NXN: variants seen among roughly 807,000 people sequenced by gnomAD.
The protein encoded by NXN is nucleoredoxin 1.
Under a neutral mutation model 48.6 loss-of-function variants are expected in NXN, and 16 were observed. That is an observed-to-expected ratio of 0.33 (90% confidence interval 0.22 to 0.50). The LOEUF (loss-of-function observed/expected upper bound fraction) is 0.50. Ranked by LOEUF, NXN falls within the 20% of genes least tolerant of loss-of-function variation. NXN has a pLI of 0.98. For missense variants in NXN, 492 were observed against 605.5 expected, an observed-to-expected ratio of 0.81 and a Z score of 1.97; for synonymous variants, 281 against 269.6, an observed-to-expected ratio of 1.04 and a Z score of -0.41.
rs372803718 is a variant in NXN at position 889,751 on chromosome 17, G to GAA, written c.361-63675_361-63674dup. 4.8e-4 allele frequency among the ~76,000 whole-genome samples: 40 copies of GAA among 84,158 alleles called. 1 individual carries two copies. Among genetic ancestry groups the GAA allele is most frequent in the Middle Eastern group, 5.1e-3 (1 of 196 alleles). 55.2% of individuals were successfully genotyped at this position (84,158 alleles called of 152,430 possible). On this transcript the variant is annotated intron_variant, in intron 1 of 7. Transcript: ENST00000336868. ...AGAAAGAAAGAAAGAAAGAAAGAAA[G>GAA]AAAGAAAGAAAAAGAAAGAAAGAAA...
At chr17:977,684 G>T (rs748287778) in intron 1 of NXN, among the ~76,000 whole-genome samples, 1 of 152,190 alleles carries the variant, frequency 6.6e-6, no homozygotes, top group African/African-American at 2.4e-5. Context: ...ATTATTTTAA[G>T]TAGACTTTAG....
chr17:861,348 G>A (rs2068038337), intron 1 of NXN, among the ~76,000 whole-genome samples: 2 of 152,152 alleles, frequency 1.3e-5, no homozygotes, highest in Admixed American at 1.3e-4. Flanking sequence ...TGGCCAGGCT[G>A]GTCTTGAACT....
At chr17:815,594 G>A (rs1242431543) in intron 5 of NXN, among the ~76,000 whole-genome samples, 1 of 149,350 alleles carries the variant, frequency 6.7e-6, no homozygotes, top group East Asian at 2.1e-4. Context: ...CGTATGATGA[G>A]GGCGAGTGTC....
chr17:943,804 GA>G (rs1164121255), intron 1 of NXN, among the ~76,000 whole-genome samples: 5 of 146,810 alleles, frequency 3.4e-5, no homozygotes, highest in Non-Finnish European at 6.0e-5. Context: ...CAGCCTGAGT[GA>G]CAGAGTATGA....
chr17:906,830 A>C (rs1016879259), intron 1 of NXN, among the ~76,000 whole-genome samples: 3 of 151,846 alleles, frequency 2.0e-5, no homozygotes, highest in African/African-American at 7.3e-5. Context: ...CAGCCTCCCA[A>C]AGTCAGGCTG....
intron 1 of NXN, among the ~76,000 whole-genome samples, chr17:927,750 T>C (rs1390796663): frequency 1.3e-5 from 2 of 152,054 alleles, no homozygotes; most frequent in Non-Finnish European, 2.9e-5. Context: ...CAGACAGCAC[T>C]GGCTCTCAGA....
At chr17:942,423 C>A (rs377193030) in intron 1 of NXN, among the ~76,000 whole-genome samples, 54 of 42,412 alleles carry the variant, frequency 1.3e-3, no homozygotes, top group African/African-American at 1.7e-3. Flanking sequence ...GAATTCACCA[C>A]ACACCTTCCT....
chr17:871,919 G>A (rs1343833245), intron 1 of NXN, among the ~76,000 whole-genome samples: 2 of 151,940 alleles, frequency 1.3e-5, no homozygotes, highest in East Asian at 3.9e-4. Context: ...CGGGGGTGAG[G>A]GATTGGGGGA....
intron 1 of NXN, among the ~76,000 whole-genome samples, chr17:944,817 G>A (rs957916829): frequency 1.1e-4 from 17 of 152,080 alleles, no homozygotes; most frequent in African/African-American, 3.6e-4. Context: ...GTCAAAAATT[G>A]TTAAATCGTG....
intron 1 of NXN, chr17:864,219 A>C: frequency 2.5e-6 from 3 of 1,223,782 alleles, no homozygotes; most frequent in Non-Finnish European, 3.2e-6. Context: ...ATGGGCATTC[A>C]TGGTACTTGT....
intron 5 of NXN, among the ~76,000 whole-genome samples, chr17:814,395 C>T (rs965743327): frequency 6.6e-6 from 1 of 152,184 alleles, no homozygotes; most frequent in African/African-American, 2.4e-5. Flanking sequence ...GAACTCCGTA[C>T]CTCAGAGAGG....
chr17:946,960 T>A (rs1382094285), intron 1 of NXN, among the ~76,000 whole-genome samples: 1 of 152,164 alleles, frequency 6.6e-6, no homozygotes, highest in Non-Finnish European at 1.5e-5. Context: ...CAGATCCTGG[T>A]TCAGCCACGT....
At chr17:855,855 G>A (rs1362609121) in intron 1 of NXN, among the ~76,000 whole-genome samples, 2 of 152,076 alleles carry the variant, frequency 1.3e-5, no homozygotes, top group Non-Finnish European at 2.9e-5. Context: ...TCCTGTCATG[G>A]GACAGGCAAC....
intron 1 of NXN, among the ~76,000 whole-genome samples, chr17:885,847 A>ATT (rs71145784): frequency 6.2e-5 from 9 of 145,364 alleles, no homozygotes; most frequent in African/African-American, 2.3e-4. Context: ...CGCCCGGCTA[A>ATT]TTTTTTTTTT....
chr17:887,212 T>C (rs1411858650), intron 1 of NXN, among the ~76,000 whole-genome samples: 1 of 152,150 alleles, frequency 6.6e-6, no homozygotes, highest in Non-Finnish European at 1.5e-5. Flanking sequence ...CCACCGCGCC[T>C]GGCCTCAGTC....
rs55883617 is a variant in NXN, at chr17:932,868, G to A, written c.360+46451C>T. ...TCTCCATGTTGGCCAGGCTGGTCTCGAACTCCTGACCTCAGGTGATCCGCC... is the reference window on the plus strand; with the variant it reads ...TCTCCATGTTGGCCAGGCTGGTCTCAAACTCCTGACCTCAGGTGATCCGCC... On this transcript the variant is annotated intron_variant, in intron 1 of 7. Transcript: ENST00000336868. This position sits in a 1 kb window ranked among gnomAD's most constrained non-coding sequence, Gnocchi z 4.1. Among the ~76,000 whole-genome samples, 40,674 of 152,016 alleles carry A rather than the reference G, an allele frequency of 0.27. 6,688 individuals are homozygous for A. Among genetic ancestry groups the A allele is most frequent in the East Asian group, 0.41 (2,124 of 5,150 alleles).
chr17:904,575 A>G (rs1372958530), intron 1 of NXN, among the ~76,000 whole-genome samples: 1 of 151,956 alleles, frequency 6.6e-6, no homozygotes, highest in Non-Finnish European at 1.5e-5. Flanking sequence ...ACACAGCCTC[A>G]CTCTGTCACC....
At chr17:977,512 C>G (rs1039282484) in intron 1 of NXN, among the ~76,000 whole-genome samples, 3 of 152,230 alleles carry the variant, frequency 2.0e-5, no homozygotes, top group African/African-American at 7.2e-5. Context: ...GGAAAAAGCT[C>G]TAAGCATTTG....
rs1267405817 is a variant in NXN, at chr17:820,761, T to C, written c.714-1216A>G. Among the ~76,000 whole-genome samples, 2 of 68,658 alleles carry C rather than the reference T, an allele frequency of 2.9e-5. 1 individual carries two copies. The highest frequency in any genetic ancestry group is 5.2e-5 in the Non-Finnish European group (2 of 38,514). 45.0% of individuals were successfully genotyped at this position (68,658 alleles called of 152,430 possible). On this transcript the variant is annotated intron_variant, in intron 4 of 7. Coordinates refer to ENST00000336868, the MANE Select transcript of NXN (RefSeq NM_022463.5). ...CAACATGGAAAAACCGCATCTCTAC[T>C]AAAAATACAAAAATTAGCCGGGTGT...
Sources: allele counts gnomAD v4.1 joint callset (sites outside exome capture counted in the v4.1 genomes callset), GRCh38; gene constraint gnomAD v4.1.1; non-coding constraint Gnocchi (gnomAD v3.1); transcripts MANE v1.5; gene names NCBI Gene and HGNC (gene_info 2026-07-23, HGNC 2026-07-21).